ZNF69: variants seen among roughly 807,000 people sequenced by gnomAD.
ZNF69 encodes zinc finger protein 69, also known as ZNF3.
Under a neutral mutation model 50.9 loss-of-function variants are expected in ZNF69, and 47 were observed. That is an observed-to-expected ratio of 0.92 (90% CI 0.73 to 1.18). The LOEUF is 1.18. Among genes scored for constraint, ZNF69 ranks in the 50% most tolerant of loss-of-function variants. ZNF69 has a pLI of 0.00. For missense variants in ZNF69, 717 were observed against 675.1 expected (o/e 1.06, Z -0.69); for synonymous variants, 216 against 223.1 (o/e 0.97, Z 0.29).
the ZNF69 span, among the ~76,000 whole-genome samples, chr19:11,934,558 CT>C: frequency 6.1e-5 from 9 of 147,622 alleles, 1 homozygote; most frequent in African/African-American, 2.4e-4. Context: ...TGCAGTTTCG[CT>C]TTTGTTTCCC....
In ZNF69 at chr19:11,904,922, T is replaced by C. The variant is rs752675125; in HGVS notation, c.525T>C (p.Tyr175=). ...AACAACCTAAAAAAGCCTTCAGATA[T>C]CACCCCTCCTTTAGAACACCACAAA... ...KCQQPKKAFR[Y]HPSFRTPQRD... The change falls in exon 4 of 4, where the codon TAT becomes TAC. Residue 175 remains tyrosine (Y), a synonymous_variant. Transcript: ENST00000429654. 4 of 1,614,150 alleles carry C rather than the reference T, an allele frequency of 2.5e-6. No homozygotes were observed. The highest frequency in any genetic ancestry group is 2.2e-5 in the East Asian group (1 of 44,880).
the ZNF69 span, among the ~76,000 whole-genome samples, chr19:11,928,942 TA>T: frequency 2.7e-5 from 4 of 146,366 alleles, no homozygotes; most frequent in South Asian, 6.3e-4. Flanking sequence ...TAATATAAGT[TA>T]AAAAAAATAG....
chr19:11,962,914 T>C, the ZNF69 span, among the ~76,000 whole-genome samples: 970 of 152,244 alleles, frequency 6.4e-3, 10 homozygotes, highest in African/African-American at 0.022. Flanking sequence ...CACCAGGGGC[T>C]TTTTCCATTG....
At chr19:11,917,409 A>G (rs796378116), downstream of ZNF69, among the ~76,000 whole-genome samples, 1 of 152,148 alleles carries the variant, frequency 6.6e-6, no homozygotes, top group Non-Finnish European at 1.5e-5. Flanking sequence ...TAATTTTCTG[A>G]CTGCTCACAT....
chr19:11,889,768 G>A (rs1977037806), intron 1 of ZNF69, among the ~76,000 whole-genome samples: 2 of 152,322 alleles, frequency 1.3e-5, no homozygotes, highest in East Asian at 3.9e-4. Context: ...CTGCACCGGC[G>A]CTGGTCTCTG....
the ZNF69 span, among the ~76,000 whole-genome samples, chr19:11,931,117 G>T: frequency 4.7e-5 from 7 of 148,228 alleles, 1 homozygote; most frequent in African/African-American, 1.3e-4. Flanking sequence ...GTACAAAGCT[G>T]CAGTGTGTAG....
the ZNF69 span, among the ~76,000 whole-genome samples, chr19:11,924,064 T>C: frequency 5.0e-3 from 763 of 152,328 alleles, 12 homozygotes; most frequent in Admixed American, 7.6e-3. Context: ...GTTGTACCTC[T>C]GGAGCTGTCT....
At chr19:11,922,734 A>T in the ZNF69 span, among the ~76,000 whole-genome samples, 2 of 152,156 alleles carry the variant, frequency 1.3e-5, no homozygotes, top group Admixed American at 6.6e-5. Context: ...GTCCATAAGG[A>T]AATACCACCT....
chr19:11,958,181 A>G, the ZNF69 span, among the ~76,000 whole-genome samples: 1 of 152,080 alleles, frequency 6.6e-6, no homozygotes, highest in East Asian at 1.9e-4. Context: ...CATGTCTCTG[A>G]TTTGACTCGT....
chr19:11,910,503 C>G (rs2145251679), downstream of ZNF69, among the ~76,000 whole-genome samples: 1 of 152,256 alleles, frequency 6.6e-6, no homozygotes, highest in African/African-American at 2.4e-5. Flanking sequence ...ATAGAGCCCT[C>G]AGAAATAATA....
chr19:11,958,978 G>C, the ZNF69 span, among the ~76,000 whole-genome samples: 14 of 152,258 alleles, frequency 9.2e-5, no homozygotes, highest in Non-Finnish European at 1.8e-4. Context: ...TGCCTCCCAG[G>C]TTCAAGCGAT....
chr19:11,963,633 A>G, the ZNF69 span, among the ~76,000 whole-genome samples: 24 of 151,766 alleles, frequency 1.6e-4, no homozygotes, highest in South Asian at 8.3e-4. Flanking sequence ...TCACGTCCCA[A>G]TCGGGCTTAG....
the ZNF69 span, among the ~76,000 whole-genome samples, chr19:11,975,089 G>A: frequency 6.6e-6 from 1 of 151,324 alleles, no homozygotes; most frequent in Middle Eastern, 3.2e-3. Context: ...GGGCCAAGAT[G>A]TTATTTTCTT....
chr19:11,892,689 C>G (rs767370650), intron 1 of ZNF69, among the ~76,000 whole-genome samples: 1 of 152,120 alleles, frequency 6.6e-6, no homozygotes, highest in Non-Finnish European at 1.5e-5. Flanking sequence ...TTACAAAACA[C>G]TATAGGTAAG....
chr19:11,894,377 T>A (rs1303543826), intron 1 of ZNF69, among the ~76,000 whole-genome samples: 1 of 152,164 alleles, frequency 6.6e-6, no homozygotes, highest in African/African-American at 2.4e-5. Flanking sequence ...CCTGACCTCG[T>A]GATCCACCCG....
the ZNF69 span, among the ~76,000 whole-genome samples, chr19:11,951,539 T>C: frequency 2.0e-5 from 3 of 152,088 alleles, no homozygotes; most frequent in Admixed American, 2.0e-4. Flanking sequence ...TCAACCCTAA[T>C]TTTTCATTCA....
chr19:11,956,273 T>C, the ZNF69 span, among the ~76,000 whole-genome samples: 12 of 152,172 alleles, frequency 7.9e-5, no homozygotes, highest in Admixed American at 5.9e-4. Context: ...TAATGACTTA[T>C]AGCCCAAGAA....
chr19:11,954,996 A>ATTTT, the ZNF69 span, among the ~76,000 whole-genome samples: 15 of 101,706 alleles, frequency 1.5e-4, no homozygotes, highest in Non-Finnish European at 1.7e-4. Flanking sequence ...TTTCAAAAAA[A>ATTTT]TTTTTTTTTT....
At chr19:11,953,175 C>T in the ZNF69 span, 4 of 152,384 alleles carry the variant, frequency 2.6e-5, no homozygotes, top group Admixed American at 2.6e-4. Context: ...ATACTTTTCA[C>T]CAAAGAGTAG....
Sources: allele counts gnomAD v4.1 joint callset (sites outside exome capture counted in the v4.1 genomes callset), GRCh38; gene constraint gnomAD v4.1.1; transcripts MANE v1.5; gene names NCBI Gene and HGNC (gene_info 2026-07-23, HGNC 2026-07-21).